DENND1A: variants seen among roughly 807,000 people sequenced by gnomAD.
DENND1A encodes the protein DENN domain-containing protein 1A.
In DENND1A, 51 loss-of-function variants were observed where a neutral mutation model predicts 113.7. The ratio of observed to expected loss-of-function variants is 0.45; its 90% CI spans 0.36 to 0.57. The LOEUF (loss-of-function observed/expected upper bound fraction) is 0.57, where lower values mean the gene tolerates loss of function less well. Ranked by LOEUF, DENND1A falls within the 20% of genes least tolerant of loss-of-function variation. DENND1A has a pLI of 0.00. For missense variants in DENND1A, 1,258 were observed against 1,395.9 expected (o/e 0.90, Z 1.57); for synonymous variants, 565 against 570.8 (o/e 0.99, Z 0.14).
At chr9:123,645,497 A>T (rs1029464930) in intron 9 of DENND1A, among the ~76,000 whole-genome samples, 51 of 152,308 alleles carry the variant, frequency 3.3e-4, no homozygotes, top group African/African-American at 1.1e-3. Flanking sequence ...GAAACTTTCA[A>T]ATTCTGAATT....
intron 2 of DENND1A, among the ~76,000 whole-genome samples, chr9:123,817,918 T>C (rs1837762331): frequency 1.3e-5 from 2 of 151,326 alleles, no homozygotes; most frequent in South Asian, 4.2e-4. Flanking sequence ...TCCCAGCTAC[T>C]TGGGAGGCTG....
chr9:123,779,801 C>G (rs530601492), intron 3 of DENND1A, among the ~76,000 whole-genome samples: 2 of 152,030 alleles, frequency 1.3e-5, no homozygotes, highest in African/African-American at 4.8e-5. Context: ...TATTCTGGAA[C>G]AGAGGAGACT....
At chr9:123,623,607 GATT>G in intron 10 of DENND1A, among the ~76,000 whole-genome samples, 1 of 152,298 alleles carries the variant, frequency 6.6e-6, no homozygotes, top group East Asian at 1.9e-4. Context: ...GTACTAAACT[GATT>G]TTTTCCAGAT....
chr9:123,756,152 TCCAC>T (rs1377554673), intron 5 of DENND1A, among the ~76,000 whole-genome samples: 1 of 152,092 alleles, frequency 6.6e-6, no homozygotes, highest in African/African-American at 2.4e-5. Context: ...CCACAGGTGA[TCCAC>T]CCACCTCAGC....
chr9:123,844,030 T>TA (rs923511815), intron 2 of DENND1A, among the ~76,000 whole-genome samples: 34 of 151,792 alleles, frequency 2.2e-4, no homozygotes, highest in Admixed American at 6.6e-4. Context: ...CCTTTCATAA[T>TA]AAAAAAAATT....
At chr9:123,413,886 G>C in intron 19 of DENND1A, 1 of 985,352 alleles carries the variant, frequency 1.0e-6, no homozygotes, top group Non-Finnish European at 1.2e-6. Context: ...AGGGAGAGGG[G>C]AGCCCACCCC....
At chr9:123,664,999 C>G (rs977684241) in intron 8 of DENND1A, among the ~76,000 whole-genome samples, 3 of 152,152 alleles carry the variant, frequency 2.0e-5, no homozygotes, top group Non-Finnish European at 4.4e-5. Context: ...CAGTAATCAT[C>G]TCCTTTATAT....
At chr9:123,416,276 TA>T (rs904191320) in intron 19 of DENND1A, among the ~76,000 whole-genome samples, 1 of 152,132 alleles carries the variant, frequency 6.6e-6, no homozygotes, top group African/African-American at 2.4e-5. Context: ...CTGCCCTTGC[TA>T]AGTGTCCTAG....
At chr9:123,637,094 C>A (rs1268002096) in intron 9 of DENND1A, among the ~76,000 whole-genome samples, 2 of 152,212 alleles carry the variant, frequency 1.3e-5, no homozygotes, top group Admixed American at 6.5e-5. Context: ...CAGAGGAAGA[C>A]AATCAGATGG....
intron 14 of DENND1A, 60 bp from the exon 15 acceptor site, chr9:123,457,495 T>C: frequency 7.3e-7 from 1 of 1,370,654 alleles, no homozygotes; most frequent in South Asian, 1.2e-5. Flanking sequence ...GAAAAACCAT[T>C]CAGCTGGGCA....
At chr9:123,645,466 GA>G (rs2062267674) in intron 9 of DENND1A, among the ~76,000 whole-genome samples, 1 of 152,094 alleles carries the variant, frequency 6.6e-6, no homozygotes, top group Non-Finnish European at 1.5e-5. Flanking sequence ...CACTCTTAAG[GA>G]AATAAAAGGC....
intron 13 of DENND1A, among the ~76,000 whole-genome samples, chr9:123,517,769 G>A (rs1289621308): frequency 9.8e-6 from 1 of 101,706 alleles, no homozygotes; most frequent in Non-Finnish European, 2.5e-5. Context: ...ATCTCATAGT[G>A]TGAGGAAAAT....
intron 2 of DENND1A, among the ~76,000 whole-genome samples, chr9:123,854,699 A>T (rs969370802): frequency 6.6e-6 from 1 of 150,902 alleles, no homozygotes; most frequent in African/African-American, 2.5e-5. Flanking sequence ...TGTCTCAAAA[A>T]AAAAATAAAA....
intron 5 of DENND1A, among the ~76,000 whole-genome samples, chr9:123,757,018 T>A (rs1400988635): frequency 6.6e-6 from 1 of 152,174 alleles, no homozygotes; most frequent in African/African-American, 2.4e-5. Context: ...ATGCCTTTAC[T>A]TCCCCCTCAG....
Position 123,792,764 on chromosome 9 carries a change from T to A in DENND1A, c.89-134A>T, listed in dbSNP as rs1833187678. 1.2e-5 allele frequency: 10 copies of A among 868,986 alleles called. No individual in the cohort carries two copies. The South Asian group carries it at 1.7e-4, about 15-fold the overall frequency. The allele number at this position is 868,986 out of a possible 1,614,324, so 53.8% of individuals were successfully genotyped here. On this transcript the variant is annotated intron_variant, in intron 2 of 23. Transcript: ENST00000394215. Reference sequence around the variant, plus strand: ...AAGGGGGGCAGCTGAGGCTGCTATGTTGATGAGCACAAGGAAGGACTCGGC... The same window carrying A: ...AAGGGGGGCAGCTGAGGCTGCTATGATGATGAGCACAAGGAAGGACTCGGC...
At position 123,557,620 on chromosome 9, in the gene DENND1A, C is replaced by T. The variant is rs999898184; in HGVS notation, c.943G>A (p.Ala315Thr). ...TAGCTACCGAAGAAAGCAGCCTGGGCCTTGAGGAACGCTCTGGCCACACCA... is the reference window on the plus strand; with the variant it reads ...TAGCTACCGAAGAAAGCAGCCTGGGTCTTGAGGAACGCTCTGGCCACACCA... Reference protein sequence around the residue: ...GDGVARAFLKAQAAFFGSYRN... With the variant: ...GDGVARAFLKTQAAFFGSYRN... Residue 315 changes from alanine to threonine, a missense_variant, in exon 13 of 24, where the codon GCC becomes ACC. Physicochemically the swap from Ala to Thr is moderately conservative, Grantham distance 58. Around this residue, in one of 2 missense-constraint regions of DENND1A, gnomAD observed 1,159 missense variants for 1,231.7 expected, o/e 0.94. Transcript: ENST00000394215. 2 of 1,613,948 alleles carry T rather than the reference C, an allele frequency of 1.2e-6. No homozygotes were observed. The highest frequency in any genetic ancestry group is 1.7e-6 in the Non-Finnish European group (2 of 1,179,972).
intron 13 of DENND1A, among the ~76,000 whole-genome samples, chr9:123,473,459 C>T (rs955283041): frequency 1.3e-5 from 2 of 151,906 alleles, no homozygotes; most frequent in African/African-American, 4.8e-5. Flanking sequence ...AGCCTGGAGC[C>T]GAGACTCAGG....
chr9:123,806,230 G>A (rs1351410003), intron 2 of DENND1A, among the ~76,000 whole-genome samples: 2 of 148,324 alleles, frequency 1.3e-5, no homozygotes, highest in Non-Finnish European at 3.0e-5. Flanking sequence ...CTGGGATTAT[G>A]GCCACCATGC....
chr9:123,601,414 G>C (rs567984413), intron 11 of DENND1A, among the ~76,000 whole-genome samples: 1 of 152,356 alleles, frequency 6.6e-6, no homozygotes, highest in African/African-American at 2.4e-5. Flanking sequence ...AGAGGAGACA[G>C]CTTCTAAGGG....
Sources: allele counts gnomAD v4.1 joint callset (sites outside exome capture counted in the v4.1 genomes callset), GRCh38; gene constraint gnomAD v4.1.1; regional missense constraint gnomAD v4.1.1; transcripts MANE v1.5; gene names NCBI Gene and HGNC (gene_info 2026-07-23, HGNC 2026-07-21).